Variants in TENM3 observed in about 807,000 individuals in gnomAD.
The protein encoded by TENM3 is teneurin-3.
A neutral mutation model predicts 255.1 loss-of-function variants in TENM3; 63 were observed. The observed-to-expected ratio is 0.25, with a 90% CI of 0.20 to 0.30. The LOEUF (loss-of-function observed/expected upper bound fraction) is 0.30, where lower values mean the gene tolerates loss of function less well. Among genes scored for constraint, TENM3 ranks in the 10% least tolerant of loss-of-function variants. TENM3 has a pLI of 1.00. For synonymous variants in TENM3, 1,306 were observed against 1,322.3 expected, an observed-to-expected ratio of 0.99 and a Z score of 0.27; for missense variants, 2,929 against 3,461.1, an observed-to-expected ratio of 0.85 and a Z score of 3.86.
At chr4:181,727,289 C>T in the TENM3 span, among the ~76,000 whole-genome samples, 1 of 152,164 alleles carries the variant, frequency 6.6e-6, no homozygotes, top group East Asian at 1.9e-4. Flanking sequence ...CAAAAATCAC[C>T]TCATTAACAT....
At chr4:182,607,016 G>C (rs1206456203) in intron 4 of TENM3, among the ~76,000 whole-genome samples, 1 of 152,200 alleles carries the variant, frequency 6.6e-6, no homozygotes, top group African/African-American at 2.4e-5. Flanking sequence ...ATTTAAATGT[G>C]AGGTCACATA....
intron 3 of TENM3, among the ~76,000 whole-genome samples, chr4:182,438,914 A>G (rs1429046395): frequency 6.6e-6 from 1 of 152,200 alleles, no homozygotes; most frequent in Non-Finnish European, 1.5e-5. Context: ...AGTTCTACAT[A>G]TTTTTACAGT....
intron 3 of TENM3, among the ~76,000 whole-genome samples, chr4:182,402,303 A>T (rs1167093668): frequency 1.3e-5 from 2 of 152,198 alleles, no homozygotes; most frequent in African/African-American, 4.8e-5. Context: ...TTCTATCTAG[A>T]TGGGCAAAAT....
chr4:182,506,942 C>G (rs1736887046), intron 3 of TENM3, among the ~76,000 whole-genome samples: 1 of 152,132 alleles, frequency 6.6e-6, no homozygotes, highest in Non-Finnish European at 1.5e-5. Context: ...GTTATCTTAT[C>G]TGTGTTTAAT....
chr4:182,651,334 C>G (rs1753268629), intron 5 of TENM3, among the ~76,000 whole-genome samples: 1 of 152,040 alleles, frequency 6.6e-6, no homozygotes, highest in Non-Finnish European at 1.5e-5. Flanking sequence ...TGAAGTTATA[C>G]CTTTTTACAT....
the TENM3 span, among the ~76,000 whole-genome samples, chr4:181,616,505 A>G: frequency 1.3e-5 from 2 of 149,674 alleles, no homozygotes. Context: ...TCCATATAAT[A>G]TTATAATAAT....
chr4:182,205,399 T>C (rs920405314), intron 1 of TENM3, among the ~76,000 whole-genome samples: 3 of 152,274 alleles, frequency 2.0e-5, no homozygotes, highest in African/African-American at 7.2e-5. Flanking sequence ...AGCTTCTCTC[T>C]GTCTTCAGGC....
chr4:182,736,365 G>A (rs1478611310), intron 16 of TENM3, among the ~76,000 whole-genome samples: 1 of 152,192 alleles, frequency 6.6e-6, no homozygotes, highest in Non-Finnish European at 1.5e-5. Flanking sequence ...TCTTACAAAT[G>A]TCTGCTCTAA....
chr4:182,622,461 G>C (rs973335360), intron 4 of TENM3, among the ~76,000 whole-genome samples: 1 of 152,200 alleles, frequency 6.6e-6, no homozygotes, highest in Non-Finnish European at 1.5e-5. Flanking sequence ...TGTCTGATTT[G>C]AAGTCAGCCT....
chr4:182,216,032 C>G (rs1755441385), intron 1 of TENM3, among the ~76,000 whole-genome samples: 2 of 152,302 alleles, frequency 1.3e-5, no homozygotes, highest in African/African-American at 4.8e-5. Context: ...TTATTCTCTG[C>G]TGAAAATCCT....
intron 3 of TENM3, among the ~76,000 whole-genome samples, chr4:182,485,997 A>G (rs1479395866): frequency 1.3e-5 from 2 of 152,138 alleles, no homozygotes; most frequent in African/African-American, 4.8e-5. Context: ...AATGAAGAGA[A>G]GGAAAGCTGA....
Position 182,800,394 on chromosome 4 carries a change from T to C in TENM3, c.*43T>C, listed in dbSNP as rs1350945154. 10 of 1,516,758 alleles carry C rather than the reference T, an allele frequency of 6.6e-6. No individual in the cohort carries two copies. The highest frequency in any genetic ancestry group is 8.8e-6 in the Non-Finnish European group (10 of 1,137,302). 94.0% of individuals were successfully genotyped at this position (1,516,758 alleles called of 1,614,324 possible). A position where few individuals can be genotyped will look rare whatever the true frequency, so the allele number is the denominator to read the frequency against. ...CCGAGCCGCTCACGCCCTGCCCACATTGTCCTGTGGCACAACCCGAGTGGG... is the reference window on the plus strand; with the variant it reads ...CCGAGCCGCTCACGCCCTGCCCACACTGTCCTGTGGCACAACCCGAGTGGG... On this transcript the variant is annotated 3_prime_UTR_variant, in exon 28 of 28. Transcript: ENST00000511685.
At chr4:182,768,158 C>T (rs960901162) in intron 22 of TENM3, among the ~76,000 whole-genome samples, 1 of 152,180 alleles carries the variant, frequency 6.6e-6, no homozygotes, top group African/African-American at 2.4e-5. Context: ...GACTTCTCTG[C>T]CCTGGTGTAT....
At chr4:182,135,920 A>C in the TENM3 span, among the ~76,000 whole-genome samples, 116 of 152,356 alleles carry the variant, frequency 7.6e-4, no homozygotes, top group Non-Finnish European at 1.3e-3. Flanking sequence ...GTTTGCTCTG[A>C]AAGCTGGTTC....
At chr4:181,604,653 C>T in the TENM3 span, among the ~76,000 whole-genome samples, 3 of 152,302 alleles carry the variant, frequency 2.0e-5, no homozygotes, top group Non-Finnish European at 4.4e-5. Flanking sequence ...GCCTCCTCAG[C>T]TGACATTCTG....
At chr4:181,923,790 C>T in the TENM3 span, among the ~76,000 whole-genome samples, 1,075 of 152,186 alleles carry the variant, frequency 7.1e-3, 6 homozygotes, top group African/African-American at 0.024. Flanking sequence ...GATACCGCTT[C>T]CCAGGAGTTT....
chr4:181,684,170 C>G, the TENM3 span, among the ~76,000 whole-genome samples: 1 of 152,136 alleles, frequency 6.6e-6, no homozygotes, highest in African/African-American at 2.4e-5. Flanking sequence ...AACCTGCGTC[C>G]CAGATCCGAT....
At chr4:182,599,945 A>G (rs6827360) in intron 3 of TENM3, among the ~76,000 whole-genome samples, 110,928 of 152,062 alleles carry the variant, frequency 0.73, 41,401 homozygotes, top group East Asian at 0.93. Flanking sequence ...ATTCTAGCAC[A>G]TCCAAAGCTA....
chr4:182,107,277 G>C, the TENM3 span, among the ~76,000 whole-genome samples: 2 of 152,068 alleles, frequency 1.3e-5, no homozygotes. Flanking sequence ...GCTCTGGAAA[G>C]CTGCCCAGGA....
Sources: gnomAD v4.1 joint callset for allele counts (sites outside exome capture counted in the v4.1 genomes callset) on GRCh38, gnomAD v4.1.1 for gene constraint, MANE v1.5 for transcripts, NCBI Gene and HGNC (gene_info 2026-07-23, HGNC 2026-07-21) for gene names.